Variants in NDE1 observed in about 807,000 individuals in gnomAD.
NDE1 encodes the protein nuclear distribution protein nudE homolog 1.
A neutral mutation model predicts 43.4 loss-of-function variants in NDE1; 28 were observed. The ratio of observed to expected loss-of-function variants is 0.65; its 90% CI spans 0.48 to 0.89. The LOEUF is 0.89. Among genes scored for constraint, NDE1 ranks in the 40% least tolerant of loss-of-function variants. The pLI, the probability that NDE1 is intolerant of heterozygous loss-of-function variation, is 0.00. For missense variants in NDE1, 441 were observed against 434.1 expected (o/e 1.02, Z -0.14); for synonymous variants, 184 against 172.0 (o/e 1.07, Z -0.55).
intron 4 of NDE1, chr16:15,686,931 A>G: frequency 1.0e-6 from 1 of 966,112 alleles, no homozygotes; most frequent in Non-Finnish European, 1.2e-6. Flanking sequence ...TCCTGATCTC[A>G]GGTCTTCCAC....
chr16:15,714,632 T>A (rs1029398369), intron 8 of NDE1: 4 of 568,006 alleles, frequency 7.0e-6, no homozygotes, highest in Non-Finnish European at 1.3e-5. Flanking sequence ...ACAGTGGGGA[T>A]AGCCTCTTCC....
chr16:15,668,410 A>G (rs1002037491), intron 3 of NDE1, among the ~76,000 whole-genome samples: 1 of 152,196 alleles, frequency 6.6e-6, no homozygotes, highest in African/African-American at 2.4e-5. Context: ...GACTACAGGC[A>G]TGCGGCACCA....
intron 1 of NDE1, 98 bp downstream of exon 1, chr16:15,650,392 C>T (rs114093935): frequency 0.021 from 3,391 of 163,938 alleles, 131 homozygotes; most frequent in African/African-American, 0.078. Flanking sequence ...GATCCCGGGA[C>T]CCCGGGCCAC....
chr16:15,700,485 T>C (rs1233303211), intron 8 of NDE1: 1 of 150,732 alleles, frequency 6.6e-6, no homozygotes, highest in Non-Finnish European at 1.5e-5. Context: ...GCTCTTGCCC[T>C]GTCTTGTCCA....
chr16:15,707,269 T>C (rs760526093), intron 8 of NDE1, among the ~76,000 whole-genome samples: 3 of 152,196 alleles, frequency 2.0e-5, no homozygotes, highest in Non-Finnish European at 2.9e-5. Context: ...CCTCAAGTTA[T>C]CTGCCCGCCT....
At position 15,724,954 on chromosome 16, in the gene NDE1, G is replaced by A. The variant is rs190546350; in HGVS notation, c.*703G>A. ...TGGCCAGCTTAATGGCCTTCCCCTC[G>A]GCCTCGTTAAGCATCCCTGTGACGC... On this transcript the variant is annotated 3_prime_UTR_variant, in exon 9 of 9. Transcript: ENST00000396354. 3.7e-5 allele frequency: 59 copies of A among 1,614,046 alleles called. No individual in the cohort carries two copies. The highest frequency in any genetic ancestry group is 1.6e-4 in the Middle Eastern group (1 of 6,062).
In NDE1 at chr16:15,703,304, G is replaced by A. The variant is rs138722071; in HGVS notation, c.947+6444G>A. Reference sequence around the variant, plus strand: ...GTCTGAGGTGTGGAAACCAGGAGAGGGGGAAAGAATTCTCAAAGGCCTGAC... The same window carrying A: ...GTCTGAGGTGTGGAAACCAGGAGAGAGGGAAAGAATTCTCAAAGGCCTGAC... On this transcript the variant is annotated intron_variant, in intron 8 of 8. Coordinates refer to ENST00000396354, the MANE Select transcript of NDE1 (RefSeq NM_017668.3). 9.2e-4 allele frequency: 211 copies of A among 228,756 alleles called. 1 individual carries two copies. Among genetic ancestry groups the A allele is most frequent in the African/African-American group, 4.4e-3 (196 of 44,874 alleles). The allele number at this position is 228,756 out of a possible 1,614,324, so 14.2% of individuals were successfully genotyped here.
intron 8 of NDE1, chr16:15,721,229 C>A: frequency 1.1e-6 from 1 of 939,288 alleles, no homozygotes. Context: ...TCCTCGGACC[C>A]CCCAACTCAG....
At chr16:15,668,742 A>T (rs2037440512) in intron 3 of NDE1, among the ~76,000 whole-genome samples, 1 of 152,196 alleles carries the variant, frequency 6.6e-6, no homozygotes, top group African/African-American at 2.4e-5. Context: ...GAGTTTCCTT[A>T]GTGGACAGAG....
intron 1 of NDE1, among the ~76,000 whole-genome samples, chr16:15,654,128 C>T (rs1567615164): frequency 6.6e-6 from 1 of 152,084 alleles, no homozygotes; most frequent in Non-Finnish European, 1.5e-5. Context: ...TTGCATGATC[C>T]CATCAGATTT....
chr16:15,655,158 T>C (rs1381404954), intron 1 of NDE1, among the ~76,000 whole-genome samples: 1 of 152,066 alleles, frequency 6.6e-6, no homozygotes, highest in African/African-American at 2.4e-5. Flanking sequence ...GCTGGAATTA[T>C]AGGTGCGCTC....
At chr16:15,655,963 ACT>A (rs2036742289) in intron 1 of NDE1, among the ~76,000 whole-genome samples, 1 of 122,272 alleles carries the variant, frequency 8.2e-6, no homozygotes, top group South Asian at 2.8e-4. Flanking sequence ...GGAACATCAC[ACT>A]CTGGGGACTG....
intron 3 of NDE1, among the ~76,000 whole-genome samples, chr16:15,676,882 T>A (rs2037909528): frequency 6.6e-6 from 1 of 152,138 alleles, no homozygotes; most frequent in Admixed American, 6.6e-5. Context: ...GGCTGGTGAC[T>A]CTCTTTGTAA....
chr16:15,695,520 G>A (rs2038971085), intron 7 of NDE1: 3 of 955,062 alleles, frequency 3.1e-6, no homozygotes, highest in Admixed American at 1.3e-4. Context: ...AAAAAATCTT[G>A]AAAGCCTAGG....
intron 7 of NDE1, among the ~76,000 whole-genome samples, chr16:15,696,490 A>G (rs2039019471): frequency 6.6e-6 from 1 of 151,956 alleles, no homozygotes; most frequent in Non-Finnish European, 1.5e-5. Context: ...TGCTGGGATT[A>G]TAGGTGTGAG....
chr16:15,674,176 TCTC>T (rs1461571324), intron 3 of NDE1, among the ~76,000 whole-genome samples: 2 of 152,136 alleles, frequency 1.3e-5, no homozygotes, highest in Non-Finnish European at 2.9e-5. Flanking sequence ...AAGATCTCCC[TCTC>T]TGTCTCTCTC....
upstream of NDE1, among the ~76,000 whole-genome samples, chr16:15,646,998 C>T (rs899175427): frequency 1.3e-5 from 2 of 151,918 alleles, no homozygotes; most frequent in Non-Finnish European, 2.9e-5. Context: ...TGCAGTGAGC[C>T]GAGATTGCAG....
chr16:15,710,402 T>C (rs1382617844), intron 8 of NDE1, among the ~76,000 whole-genome samples: 1 of 152,108 alleles, frequency 6.6e-6, no homozygotes, highest in Non-Finnish European at 1.5e-5. Flanking sequence ...GCACCTGTAA[T>C]CTCAGCTACT....
chr16:15,699,650 T>C lies in NDE1; in HGVS notation c.947+2790T>C, dbSNP rs191072009. On this transcript the variant is annotated intron_variant, in intron 8 of 8. Transcript: ENST00000396354. ...TGCTCCTGACTCTTGATGTTCACCC[T>C]TATAACTCTCTGGGCCCCGGTGCTA... 2.5e-5 allele frequency: 33 copies of C among 1,294,986 alleles called. No homozygotes were observed. In the African/African-American group the frequency reaches 4.8e-4, roughly 19 times the overall value. The allele number at this position is 1,294,986 out of a possible 1,614,324, so 80.2% of individuals were successfully genotyped here.
Sources: gnomAD v4.1 joint callset for allele counts (sites outside exome capture counted in the v4.1 genomes callset) on GRCh38, gnomAD v4.1.1 for gene constraint, MANE v1.5 for transcripts, NCBI Gene and HGNC (gene_info 2026-07-23, HGNC 2026-07-21) for gene names.